The following IGSF11 variants were observed in gnomAD, a reference collection of about 807,000 sequenced individuals.
IGSF11 encodes the protein immunoglobulin superfamily member 11, also known as CXADR like 1.
In IGSF11, 22 loss-of-function variants were observed where a neutral mutation model predicts 41.0. That is an observed-to-expected ratio of 0.54 (90% confidence interval 0.38 to 0.77). The LOEUF is 0.77. IGSF11 is among the 30% of genes least tolerant of loss of function. The pLI is 0.00. For synonymous variants in IGSF11, 219 were observed against 201.3 expected (o/e 1.09, Z -0.74); for missense variants, 444 against 530.8 (o/e 0.84, Z 1.61).
chr3:119,078,338 C>T (rs2076534920), intron 1 of IGSF11, among the ~76,000 whole-genome samples: 1 of 152,070 alleles, frequency 6.6e-6, no homozygotes, highest in African/African-American at 2.4e-5. Flanking sequence ...CAATGGTACA[C>T]CAATACAGCA....
At position 118,902,565 on chromosome 3, in the gene IGSF11, T is replaced by C; in HGVS notation, c.1251A>G (p.Val417=). The change falls in exon 7 of 7, where the codon GTA becomes GTG. Residue 417 remains valine (V), a synonymous_variant. Coordinates refer to ENST00000393775, the MANE Select transcript of IGSF11 (RefSeq NM_001015887.3). ...SHATLERIGA[V]PVMVPAQSRA... is the part of the protein sequence containing the mutation. ...GACTCTGGGCTGGTACCATGACAGG[T>C]ACTGCACCAATTCGTTCCAGTGTTG... is the stretch of plus-strand genomic sequence containing the variant. 9 of 1,611,350 alleles carry C rather than the reference T, an allele frequency of 5.6e-6. No homozygotes were observed. The highest frequency in any genetic ancestry group is 6.8e-6 in the Non-Finnish European group (8 of 1,179,000).
chr3:118,968,826 G>A (rs1185745325), intron 1 of IGSF11, among the ~76,000 whole-genome samples: 5 of 152,170 alleles, frequency 3.3e-5, no homozygotes. Context: ...TCTAAAAATA[G>A]GCAAGTCAGC....
intron 1 of IGSF11, among the ~76,000 whole-genome samples, chr3:119,102,167 T>C (rs1361319966): frequency 6.6e-6 from 1 of 152,220 alleles, no homozygotes; most frequent in African/African-American, 2.4e-5. Flanking sequence ...CTGCCACTCC[T>C]TTTGCCATAA....
At chr3:118,908,042 T>G (rs557173480) in intron 4 of IGSF11, among the ~76,000 whole-genome samples, 1 of 152,264 alleles carries the variant, frequency 6.6e-6, no homozygotes, top group South Asian at 2.1e-4. Flanking sequence ...GTTTTTGTTG[T>G]TGTTGTTGGT....
At chr3:119,111,204 T>G (rs1002705641) in intron 1 of IGSF11, among the ~76,000 whole-genome samples, 2 of 152,194 alleles carry the variant, frequency 1.3e-5, no homozygotes, top group African/African-American at 4.8e-5. Context: ...TTGGTTCCAT[T>G]CTCCCCATCA....
intron 1 of IGSF11, among the ~76,000 whole-genome samples, chr3:119,076,180 A>T (rs1284084138): frequency 6.6e-6 from 1 of 152,206 alleles, no homozygotes; most frequent in Non-Finnish European, 1.5e-5. Context: ...CTACTTAATA[A>T]ATGGTGCTGG....
chr3:118,902,710 T>C lies in IGSF11; in HGVS notation c.1106A>G (p.His369Arg), dbSNP rs1939043504. 4 of 1,614,044 alleles carry C rather than the reference T, an allele frequency of 2.5e-6. No homozygotes were observed. Among genetic ancestry groups the C allele is most frequent in the Non-Finnish European group, 3.4e-6 (4 of 1,180,014 alleles). ...ANGTHLVPGQ[H>R]KTLVVTANRG... is the part of the protein sequence containing the mutation. ...GTTGGCTGTCACTACCAGAGTCTTA[T>C]GTTGACCCGGGACCAGATGGGTCCC... The change falls in exon 7 of 7, where the codon CAT becomes CGT. Residue 369 changes from histidine (H) to arginine (R), a missense_variant. Around this residue, in one of 3 missense-constraint regions of IGSF11, gnomAD observed 223 missense variants for 226.2 expected, o/e 0.99. Coordinates refer to ENST00000393775, the MANE Select transcript of IGSF11 (RefSeq NM_001015887.3).
At chr3:119,127,502 CAGG>C (rs1476918102) in intron 1 of IGSF11, among the ~76,000 whole-genome samples, 2 of 151,976 alleles carry the variant, frequency 1.3e-5, no homozygotes, top group African/African-American at 4.8e-5. Context: ...TGGGAAGATC[CAGG>C]AGAACTTCCC....
chr3:118,954,826 A>T (rs377357695), intron 1 of IGSF11, among the ~76,000 whole-genome samples: 1 of 152,182 alleles, frequency 6.6e-6, no homozygotes, highest in East Asian at 1.9e-4. Context: ...GGTAAATGCT[A>T]TCAAATGGTG....
chr3:119,058,969 T>G, intron 1 of IGSF11, among the ~76,000 whole-genome samples: 1 of 150,268 alleles, frequency 6.7e-6, no homozygotes. Flanking sequence ...CATCGGGGAC[T>G]GTTGTGGGGT....
intron 1 of IGSF11, among the ~76,000 whole-genome samples, chr3:119,050,387 AT>A (rs1197729015): frequency 3.3e-5 from 5 of 152,262 alleles, no homozygotes; most frequent in Admixed American, 1.3e-4. Flanking sequence ...CAAAAAACAC[AT>A]GAAAAAATGC....
intron 1 of IGSF11, among the ~76,000 whole-genome samples, chr3:119,110,450 T>A (rs2077130923): frequency 6.6e-6 from 1 of 152,234 alleles, no homozygotes; most frequent in Non-Finnish European, 1.5e-5. Context: ...TTGGTAGATC[T>A]TCCTCCACCC....
intron 1 of IGSF11, among the ~76,000 whole-genome samples, chr3:119,144,685 A>G (rs1463084790): frequency 6.6e-6 from 1 of 152,228 alleles, no homozygotes; most frequent in Non-Finnish European, 1.5e-5. Context: ...AAACAGCTAC[A>G]TTTAAAAAAA....
chr3:119,109,073 G>A (rs1479499981), upstream of IGSF11, among the ~76,000 whole-genome samples: 16 of 137,638 alleles, frequency 1.2e-4, no homozygotes, highest in African/African-American at 1.9e-4. Flanking sequence ...GTCTCTGCCC[G>A]GCTTTGGTAT....
At chr3:118,946,352 T>C (rs1484318446) in intron 1 of IGSF11, among the ~76,000 whole-genome samples, 2 of 151,734 alleles carry the variant, frequency 1.3e-5, no homozygotes, top group Non-Finnish European at 2.9e-5. Flanking sequence ...TAGGCTAGCA[T>C]AGTATTATTG....
At chr3:119,038,284 C>T (rs1475266211), upstream of IGSF11, among the ~76,000 whole-genome samples, 1 of 152,164 alleles carries the variant, frequency 6.6e-6, no homozygotes, top group Non-Finnish European at 1.5e-5. Flanking sequence ...ACAACACTCT[C>T]AAATTTTGGA....
intron 1 of IGSF11, among the ~76,000 whole-genome samples, chr3:119,114,079 G>C (rs1345277562): frequency 3.3e-5 from 5 of 152,214 alleles, no homozygotes; most frequent in Non-Finnish European, 5.9e-5. Flanking sequence ...GCAGGGCCCT[G>C]GGCCCAGCCC....
At chr3:118,911,383 C>T (rs767493970) in intron 4 of IGSF11, among the ~76,000 whole-genome samples, 3 of 152,114 alleles carry the variant, frequency 2.0e-5, no homozygotes, top group Admixed American at 6.6e-5. Context: ...AATTATGGAA[C>T]CACTCTTACT....
At chr3:119,017,419 G>A (rs769760007) in intron 1 of IGSF11, among the ~76,000 whole-genome samples, 56 of 152,140 alleles carry the variant, frequency 3.7e-4, no homozygotes, top group Non-Finnish European at 6.3e-4. Context: ...ACACAGAAAA[G>A]GTACAGAGAA....
Sources: allele counts gnomAD v4.1 joint callset (sites outside exome capture counted in the v4.1 genomes callset), GRCh38; gene constraint gnomAD v4.1.1; regional missense constraint gnomAD v4.1.1; transcripts MANE v1.5; gene names NCBI Gene and HGNC (gene_info 2026-07-23, HGNC 2026-07-21).